UCHL5: variants seen among roughly 807,000 people sequenced by gnomAD.
The protein encoded by UCHL5 is ubiquitin C-terminal hydrolase L5, also known as ubiquitin carboxyl-terminal hydrolase isozyme L5.
A neutral mutation model predicts 53.8 loss-of-function variants in UCHL5; 34 were observed. That is an observed-to-expected ratio of 0.63 (90% CI 0.48 to 0.84). The LOEUF (loss-of-function observed/expected upper bound fraction) is 0.84, where lower values mean the gene tolerates loss of function less well. Among genes scored for constraint, UCHL5 ranks in the 40% least tolerant of loss-of-function variants. The pLI is 0.00. For missense variants in UCHL5, 290 were observed against 385.6 expected, an observed-to-expected ratio of 0.75 and a Z score of 2.08; for synonymous variants, 111 against 126.3, an observed-to-expected ratio of 0.88 and a Z score of 0.81.
intron 10 of UCHL5, chr1:193,020,288 A>G: frequency 1.3e-6 from 2 of 1,532,148 alleles, no homozygotes; most frequent in Non-Finnish European, 1.8e-6. Flanking sequence ...TTTAAAATTA[A>G]TAAGGAAAAT....
At chr1:193,024,610 A>C (rs1041597531) in intron 7 of UCHL5, among the ~76,000 whole-genome samples, 2 of 148,842 alleles carry the variant, frequency 1.3e-5, no homozygotes, top group African/African-American at 4.9e-5. Flanking sequence ...ATATTTTATT[A>C]ATATAATATA....
chr1:193,047,835 G>A (rs1280307326), intron 3 of UCHL5, among the ~76,000 whole-genome samples: 1 of 152,024 alleles, frequency 6.6e-6, no homozygotes, highest in Non-Finnish European at 1.5e-5. Context: ...GTGTAAAACT[G>A]GTGGTATTTT....
chr1:193,041,567 A>C (rs969209552), intron 3 of UCHL5, among the ~76,000 whole-genome samples: 1 of 152,216 alleles, frequency 6.6e-6, no homozygotes, highest in Non-Finnish European at 1.5e-5. Flanking sequence ...AAACGTTTGG[A>C]TATTTCCTTC....
chr1:193,028,024 C>G (rs2102430456), intron 7 of UCHL5, 61 bp downstream of exon 7: 2 of 1,577,628 alleles, frequency 1.3e-6, no homozygotes, highest in Non-Finnish European at 8.6e-7. Flanking sequence ...CAATAAAATA[C>G]AAGTTTAAAA....
chr1:193,028,282 A>T, intron 6 of UCHL5, 134 bp from the exon 7 acceptor site: 1 of 644,094 alleles, frequency 1.6e-6, no homozygotes, highest in Non-Finnish European at 2.5e-6. Flanking sequence ...TTTTTAGTAT[A>T]ATTATGTTGT....
At position 193,012,686 on chromosome 1, in the gene UCHL5, T is replaced by C. The variant is rs1654334984; in HGVS notation, c.*3665A>G. On this transcript the variant is annotated 3_prime_UTR_variant, in exon 11 of 11. Coordinates refer to ENST00000367454, the MANE Select transcript of UCHL5 (RefSeq NM_001199261.3). ...GACCATTCTATCAAACCTCAGCTCC[T>C]CCCACCCCTTTTCCCTATTTTTTTT... 6.6e-6 allele frequency: 1 copy of C among 152,182 alleles called. No homozygotes were observed. Among genetic ancestry groups the C allele is most frequent in the Non-Finnish European group, 1.5e-5 (1 of 68,026 alleles). 9.4% of individuals were successfully genotyped at this position (152,182 alleles called of 1,614,324 possible). A position where few individuals can be genotyped will look rare whatever the true frequency, so the allele number is the denominator to read the frequency against.
chr1:193,050,533 G>A (rs1415788610), intron 2 of UCHL5, among the ~76,000 whole-genome samples: 2 of 151,478 alleles, frequency 1.3e-5, no homozygotes, highest in African/African-American at 4.8e-5. Context: ...AGGAGTTCGA[G>A]ACCAGCCTGG....
At chr1:193,020,012 C>T (rs1281111892) in intron 10 of UCHL5, 9 of 984,480 alleles carry the variant, frequency 9.1e-6, no homozygotes, top group Admixed American at 6.2e-5. Flanking sequence ...TTTTGAGAAC[C>T]ACAGGACCCT....
chr1:193,025,004 T>A (rs566846708), intron 7 of UCHL5, among the ~76,000 whole-genome samples: 4 of 152,020 alleles, frequency 2.6e-5, no homozygotes, highest in Non-Finnish European at 4.4e-5. Context: ...TTCTGAAAGG[T>A]AGAAAAAAAG....
intron 3 of UCHL5, among the ~76,000 whole-genome samples, chr1:193,042,092 C>A (rs1348371127): frequency 2.0e-5 from 3 of 149,370 alleles, no homozygotes; most frequent in Non-Finnish European, 3.0e-5. Context: ...GGTGACAGAG[C>A]GAGATCCTGT....
chr1:193,056,413 A>G (rs1272095645), intron 1 of UCHL5, among the ~76,000 whole-genome samples: 1 of 151,972 alleles, frequency 6.6e-6, no homozygotes, highest in East Asian at 1.9e-4. Context: ...TAGGTTTTCT[A>G]CTTTCTTATT....
At chr1:193,051,639 C>T (rs1669090854) in intron 2 of UCHL5, 115 bp downstream of exon 2, 1 of 518,970 alleles carries the variant, frequency 1.9e-6, no homozygotes, top group Non-Finnish European at 3.3e-6. Context: ...ACTTAAAGGA[C>T]ATAACGTATT....
intron 3 of UCHL5, among the ~76,000 whole-genome samples, chr1:193,032,716 G>C (rs895358743): frequency 1.3e-5 from 2 of 152,190 alleles, no homozygotes; most frequent in Non-Finnish European, 2.9e-5. Context: ...AGTGGGCAAA[G>C]GATATGAACA....
At chr1:193,018,551 GTC>G (rs1477891627) in intron 10 of UCHL5, 460 of 1,169,120 alleles carry the variant, frequency 3.9e-4, no homozygotes, top group Non-Finnish European at 4.7e-4. Flanking sequence ...CGGTTAAAAA[GTC>G]TCACATAACA....
intron 3 of UCHL5, among the ~76,000 whole-genome samples, chr1:193,038,888 C>T (rs182089876): frequency 6.7e-5 from 10 of 150,116 alleles, no homozygotes; most frequent in Non-Finnish European, 1.3e-4. Flanking sequence ...CTTAGCTACT[C>T]GGGAGGCTGA....
intron 3 of UCHL5, among the ~76,000 whole-genome samples, chr1:193,031,350 C>T (rs1475230945): frequency 3.3e-5 from 5 of 152,128 alleles, no homozygotes; most frequent in Non-Finnish European, 5.9e-5. Context: ...GGCAGTGAGG[C>T]TACGGCAGAA....
intron 7 of UCHL5, among the ~76,000 whole-genome samples, chr1:193,025,916 A>C (rs546999293): frequency 6.6e-6 from 1 of 152,142 alleles, no homozygotes; most frequent in Non-Finnish European, 1.5e-5. Context: ...TACAGTAATC[A>C]ACACAATGTA....
chr1:193,035,703 T>C (rs1261419653), intron 3 of UCHL5, among the ~76,000 whole-genome samples: 2 of 152,052 alleles, frequency 1.3e-5, no homozygotes, highest in Non-Finnish European at 2.9e-5. Flanking sequence ...CAGAATAATA[T>C]TGTCACTATG....
chr1:193,058,359 T>C (rs1671458555), intron 1 of UCHL5, among the ~76,000 whole-genome samples: 1 of 152,230 alleles, frequency 6.6e-6, no homozygotes, highest in South Asian at 2.1e-4. Context: ...CAACGTTTAA[T>C]TGTTAATCCC....
Sources: allele counts gnomAD v4.1 joint callset (sites outside exome capture counted in the v4.1 genomes callset), GRCh38; gene constraint gnomAD v4.1.1; transcripts MANE v1.5; gene names NCBI Gene and HGNC (gene_info 2026-07-23, HGNC 2026-07-21).